Variants in NCAPG2 observed in about 807,000 individuals in gnomAD.
NCAPG2 encodes the protein non-SMC condensin II complex subunit G2.
A neutral mutation model predicts 141.1 loss-of-function variants in NCAPG2; 53 were observed. The ratio of observed to expected loss-of-function variants is 0.38; its 90% CI spans 0.30 to 0.47. NCAPG2 has a LOEUF of 0.47. Ranked by LOEUF, NCAPG2 falls within the 20% of genes least tolerant of loss-of-function variation. NCAPG2 has a pLI of 0.99. For missense variants in NCAPG2, 1,087 were observed against 1,389.0 expected (o/e 0.78, Z 3.46); for synonymous variants, 499 against 490.7 (o/e 1.02, Z -0.22).
intron 4 of NCAPG2, among the ~76,000 whole-genome samples, chr7:158,691,279 A>T (rs1451136055): frequency 6.6e-6 from 1 of 152,258 alleles, no homozygotes. Context: ...TCTGAATGTC[A>T]TTACACTAAT....
At chr7:158,672,989 T>C (rs914387092) in intron 12 of NCAPG2, among the ~76,000 whole-genome samples, 3 of 152,146 alleles carry the variant, frequency 2.0e-5, no homozygotes, top group Admixed American at 1.3e-4. Context: ...CATCTCAGAG[T>C]GGCCCTGCAA....
chr7:158,631,738 T>C, intron 27 of NCAPG2, 21 bp from the exon 28 acceptor site: 1 of 1,555,486 alleles, frequency 6.4e-7, no homozygotes, highest in Non-Finnish European at 8.8e-7. Flanking sequence ...AATAAAGAAA[T>C]ATTTAGCTAC....
chr7:158,651,699 C>CT (rs1160133825), intron 23 of NCAPG2, among the ~76,000 whole-genome samples: 1 of 152,126 alleles, frequency 6.6e-6, no homozygotes, highest in Non-Finnish European at 1.5e-5. Flanking sequence ...ATATGAAGTG[C>CT]TTATACAACA....
At chr7:158,685,871 T>C (rs1054726729) in intron 8 of NCAPG2, among the ~76,000 whole-genome samples, 1 of 152,192 alleles carries the variant, frequency 6.6e-6, no homozygotes, top group Non-Finnish European at 1.5e-5. Flanking sequence ...TGAAATCTGG[T>C]ATGTTTCTTA....
At chr7:158,694,610 C>T (rs947362051) in intron 2 of NCAPG2, among the ~76,000 whole-genome samples, 1 of 152,152 alleles carries the variant, frequency 6.6e-6, no homozygotes, top group Non-Finnish European at 1.5e-5. Context: ...TCAACAGATG[C>T]AAATTGAAGG....
chr7:158,699,607 C>T (rs1432777999), intron 2 of NCAPG2, among the ~76,000 whole-genome samples: 1 of 152,156 alleles, frequency 6.6e-6, no homozygotes, highest in Non-Finnish European at 1.5e-5. Context: ...CTGCACCCTC[C>T]CCAGGCCCAC....
chr7:158,655,216 T>C lies in NCAPG2; in HGVS notation c.2548A>G (p.Thr850Ala). 1 of 1,614,164 alleles carries C rather than the reference T, an allele frequency of 6.2e-7. No homozygotes were observed. Among genetic ancestry groups the C allele is most frequent in the Non-Finnish European group, 8.5e-7 (1 of 1,180,016 alleles). The part of the protein sequence containing the change: ...GKVYLSMLED[T>A]GFWLESKILS... The stretch of plus-strand genomic sequence containing the variant: ...ATTTTGCTTTCTAACCAAAAGCCAG[T>C]GTCTTCCAACATGGACAAATACACC... The change falls in exon 21 of 28, where the codon ACT (threonine) becomes GCT (alanine). Residue 850 changes from threonine (T) to alanine (A), a missense_variant. Thr to Ala is a moderately conservative substitution (Grantham distance 58). Coordinates refer to ENST00000356309, the MANE Select transcript of NCAPG2 (RefSeq NM_017760.7).
chr7:158,679,995 C>A lies in NCAPG2; in HGVS notation c.1111G>T (p.Asp371Tyr). The change falls in exon 11 of 28, where the codon GAT becomes TAT. Residue 371 changes from aspartate (D) to tyrosine (Y), a missense_variant. Transcript: ENST00000356309. ...TCAAACTGTTTCTGGATTTCACTAT[C>A]CATTTCAATAGCATGAAGGTTTGGA... is the stretch of plus-strand genomic sequence containing the variant. Reference protein sequence around the residue: ...RDPNLHAIEMDSEIQKQFEEL... With the variant: ...RDPNLHAIEMYSEIQKQFEEL... The A allele has an allele frequency of 6.2e-7, 1 of 1,614,114 alleles. No individual in the cohort carries two copies. The highest frequency in any genetic ancestry group is 8.5e-7 in the Non-Finnish European group (1 of 1,179,996).
chr7:158,658,556 A>T (rs1197556547), intron 16 of NCAPG2, 148 bp from the exon 17 acceptor site: 16 of 653,230 alleles, frequency 2.4e-5, no homozygotes, highest in Non-Finnish European at 3.9e-5. Context: ...GGAAAACTTA[A>T]ACCAGCCTCA....
At position 158,671,498 on chromosome 7, in the gene NCAPG2, G is replaced by T. The variant is rs774221811; in HGVS notation, c.1479+16C>A. 1.2e-4 allele frequency: 199 copies of T among 1,613,642 alleles called. No homozygotes were observed. The highest frequency in any genetic ancestry group is 1.6e-4 in the Non-Finnish European group (189 of 1,179,876). On this transcript the variant is annotated intron_variant, in intron 13 of 27. Coordinates refer to ENST00000356309, the MANE Select transcript of NCAPG2 (RefSeq NM_017760.7). ...CCTATTTCATGTCATAAGTAAAAAA[G>T]CCCTATTCATCCTACCTTAGCAGCC...
chr7:158,704,024 T>A (rs557548377), intron 1 of NCAPG2, among the ~76,000 whole-genome samples: 50 of 144,278 alleles, frequency 3.5e-4, no homozygotes, highest in African/African-American at 1.3e-3. Context: ...GCAGTGCCCA[T>A]GCCCAGGACT....
chr7:158,665,997 T>C (rs905859890), intron 13 of NCAPG2, among the ~76,000 whole-genome samples: 1 of 50,212 alleles, frequency 2.0e-5, no homozygotes, highest in African/African-American at 7.5e-5. Flanking sequence ...CATTCTAGCA[T>C]TGGAAAGACA....
At chr7:158,641,157 A>G (rs942549536) in intron 27 of NCAPG2, 1 of 221,736 alleles carries the variant, frequency 4.5e-6, no homozygotes, top group African/African-American at 2.3e-5. Context: ...TATGCTAGGA[A>G]AGAAAACGGC....
intron 13 of NCAPG2, among the ~76,000 whole-genome samples, chr7:158,666,781 A>G (rs1284379710): frequency 6.6e-6 from 1 of 152,084 alleles, no homozygotes; most frequent in African/African-American, 2.4e-5. Flanking sequence ...AAATAAATAA[A>G]ATAAAAAGAA....
intron 9 of NCAPG2, among the ~76,000 whole-genome samples, chr7:158,681,943 G>A (rs1834475990): frequency 6.6e-6 from 1 of 152,070 alleles, no homozygotes; most frequent in Admixed American, 6.5e-5. Context: ...TGACTTATCA[G>A]ATAAATTTAA....
At position 158,693,322 on chromosome 7, in the gene NCAPG2, T is replaced by C. The variant is rs779863666; in HGVS notation, c.254A>G (p.His85Arg). 8 of 1,606,344 alleles carry C rather than the reference T, an allele frequency of 5.0e-6. No individual in the cohort carries two copies. Among genetic ancestry groups the C allele is most frequent in the East Asian group, 2.2e-5 (1 of 44,786 alleles). ...AQGEDNMETE[H>R]GSKMRKSIEI... ...AACAAATACTACCATTTTTGAGCCA[T>C]GTTCGGTTTCCATATTGTCTTCACC... Residue 85 changes from histidine (H) to arginine (R), a missense_variant, in exon 3 of 28, where the codon CAT (histidine) becomes CGT (arginine). Physicochemically the swap from His to Arg is conservative, Grantham distance 29 (BLOSUM62 0). Coordinates refer to ENST00000356309, the MANE Select transcript of NCAPG2 (RefSeq NM_017760.7).
chr7:158,672,176 A>G (rs1421967896), intron 12 of NCAPG2, among the ~76,000 whole-genome samples: 1 of 151,550 alleles, frequency 6.6e-6, no homozygotes, highest in Non-Finnish European at 1.5e-5. Context: ...TGGGCCCCCA[A>G]ACTCCAGCAC....
chr7:158,699,788 T>C (rs1835673312), intron 2 of NCAPG2, among the ~76,000 whole-genome samples: 1 of 152,230 alleles, frequency 6.6e-6, no homozygotes, highest in South Asian at 2.1e-4. Context: ...CCATGCTTAC[T>C]ATAGTATTTA....
At chr7:158,667,209 C>G in intron 13 of NCAPG2, 1 of 985,498 alleles carries the variant, frequency 1.0e-6, no homozygotes, top group South Asian at 4.7e-5. Flanking sequence ...CGCAAACGTT[C>G]TGCCTTCTTC....
Sources: gnomAD v4.1 joint callset for allele counts (sites outside exome capture counted in the v4.1 genomes callset) on GRCh38, gnomAD v4.1.1 for gene constraint, MANE v1.5 for transcripts, NCBI Gene and HGNC (gene_info 2026-07-23, HGNC 2026-07-21) for gene names.